The following ITGAL variants were observed in gnomAD, a reference collection of about 807,000 sequenced individuals.
ITGAL encodes the protein integrin subunit alpha L.
In ITGAL, 68 loss-of-function variants were observed where a neutral mutation model predicts 138.4. That is an observed-to-expected ratio of 0.49 (90% CI 0.40 to 0.60). The LOEUF (loss-of-function observed/expected upper bound fraction) is 0.60. Ranked by LOEUF, ITGAL falls within the 20% of genes least tolerant of loss-of-function variation. The pLI, the probability that ITGAL is intolerant of heterozygous loss-of-function variation, is 0.00. For synonymous variants in ITGAL, 561 were observed against 584.3 expected (o/e 0.96, Z 0.57); for missense variants, 1,256 against 1,478.6 (o/e 0.85, Z 2.47).
chr16:30,515,364 G>C (rs113780160), intron 25 of ITGAL, among the ~76,000 whole-genome samples: 1 of 152,112 alleles, frequency 6.6e-6, no homozygotes, highest in East Asian at 1.9e-4. Flanking sequence ...TATTGAGAGA[G>C]GCTCCCAACA....
In ITGAL at chr16:30,475,368, G is replaced by A. The variant is rs890179425; in HGVS notation, c.227G>A (p.Gly76Asp). Residue 76 changes from glycine (G) to aspartate (D), a missense_variant, in exon 3 of 31, where the codon GGC becomes GAC. By Grantham distance (94) the Gly-to-Asp change is moderately conservative (BLOSUM62 -1). This residue lies in a region of ITGAL where 212 missense variants were observed against 217.4 expected (regional missense o/e 0.98). Transcript: ENST00000356798. ...GGAAGCCTCTATCAGTGCCAGTCGG[G>A]CACAGGACACTGCCTGCCAGTCACC... ...STGSLYQCQS[G>D]TGHCLPVTLR... The A allele has an allele frequency of 6.2e-7, 1 of 1,613,834 alleles. No homozygotes were observed. Among genetic ancestry groups the A allele is most frequent in the South Asian group, 1.1e-5 (1 of 91,078 alleles).
intron 9 of ITGAL, among the ~76,000 whole-genome samples, chr16:30,488,679 G>T (rs36005832): frequency 7.0e-6 from 1 of 143,034 alleles, no homozygotes; most frequent in Non-Finnish European, 1.5e-5. Context: ...CTCCAGCCTC[G>T]GTGACAGAGA....
chr16:30,517,977 A>G (rs1597110371), intron 28 of ITGAL, 82 bp downstream of exon 28: 1 of 1,051,056 alleles, frequency 9.5e-7, no homozygotes, highest in Non-Finnish European at 1.5e-6. Flanking sequence ...CCCACCAGAT[A>G]GTCTGCCTCC....
chr16:30,494,218 C>T lies in ITGAL; in HGVS notation c.1220C>T (p.Thr407Ile). The change falls in exon 12 of 31, where the codon ACC (threonine) becomes ATC (isoleucine). Residue 407 changes from threonine to isoleucine, a missense_variant. This residue lies in a region of ITGAL where 867 missense variants were observed against 972.5 expected (regional missense o/e 0.89). Coordinates refer to ENST00000356798, the MANE Select transcript of ITGAL (RefSeq NM_002209.3). The surrounding 1 kb of genome is among the most constrained non-coding windows in gnomAD (Gnocchi z 4.2). ...CCCCACACACTTTCCTCAGGTTACA[C>T]CGTGACCTGGCTGCCCTCCCGGCAA... ...PEVRAGYLGYTVTWLPSRQKT... is the reference protein window; with the variant it reads ...PEVRAGYLGYIVTWLPSRQKT... The T allele has an allele frequency of 1.2e-6, 2 of 1,606,602 alleles. No homozygotes were observed. Among genetic ancestry groups the T allele is most frequent in the Non-Finnish European group, 1.7e-6 (2 of 1,174,890 alleles).
intron 11 of ITGAL, among the ~76,000 whole-genome samples, chr16:30,489,731 T>C (rs948698474): frequency 1.3e-5 from 2 of 150,902 alleles, no homozygotes; most frequent in African/African-American, 4.9e-5. Flanking sequence ...AAGTCAAGAG[T>C]TCAAGACCAG....
At chr16:30,497,668 G>A (rs184175760) in intron 15 of ITGAL, among the ~76,000 whole-genome samples, 4 of 151,868 alleles carry the variant, frequency 2.6e-5, no homozygotes, top group Admixed American at 6.6e-5. Context: ...TAGTAGAGAC[G>A]GGGTTTCGCC....
chr16:30,518,865 TTCTCCCCTTGGTGGGCACACAAC>T, intron 29 of ITGAL, 146 bp downstream of exon 29: 4 of 658,842 alleles, frequency 6.1e-6, no homozygotes, highest in Non-Finnish European at 1.1e-5. Flanking sequence ...GAGAAGCTTC[TTCTCCCCTTGGTGGGCACACAAC>T]CCCAGAGTTG....
At chr16:30,488,241 A>G (rs2050675427) in intron 9 of ITGAL, among the ~76,000 whole-genome samples, 1 of 151,768 alleles carries the variant, frequency 6.6e-6, no homozygotes, top group Non-Finnish European at 1.5e-5. Context: ...CAGGAGTATC[A>G]TGATTTGGTG....
At chr16:30,503,684 T>C (rs774388642) in intron 17 of ITGAL, among the ~76,000 whole-genome samples, 18 of 152,144 alleles carry the variant, frequency 1.2e-4, no homozygotes, top group Non-Finnish European at 2.1e-4. Context: ...ATTTTAAATG[T>C]TGGGGTAATA....
intron 9 of ITGAL, among the ~76,000 whole-genome samples, chr16:30,487,341 C>T (rs1236672221): frequency 6.6e-6 from 1 of 152,158 alleles, no homozygotes; most frequent in African/African-American, 2.4e-5. Context: ...AAGTCTTCTG[C>T]CTCAGCCTCA....
intron 25 of ITGAL, among the ~76,000 whole-genome samples, chr16:30,514,543 C>T (rs182708030): frequency 1.6e-4 from 25 of 152,158 alleles, no homozygotes; most frequent in African/African-American, 5.8e-4. Context: ...TCTCAAAGTG[C>T]TGGGATTACA....
In ITGAL at chr16:30,510,861, G is replaced by A. The variant is rs1451923170; in HGVS notation, c.2620-20G>A. ...TCCTCATGACCCTTCCATTTCCATT[G>A]CCCTCTCCTTTCCTGCCAGGTTGCT... On this transcript the variant is annotated intron_variant, in intron 22 of 30. Coordinates refer to ENST00000356798, the MANE Select transcript of ITGAL (RefSeq NM_002209.3). The A allele has an allele frequency of 1.9e-5, 30 of 1,604,124 alleles. No homozygotes were observed. The highest frequency in any genetic ancestry group is 2.6e-5 in the Non-Finnish European group (30 of 1,171,106).
rs199745524 is a variant in ITGAL at position 30,505,415 on chromosome 16, G to T, written c.2319G>T (p.Glu773Asp). 2 of 1,614,068 alleles carry T rather than the reference G, an allele frequency of 1.2e-6. No individual in the cohort carries two copies. The highest frequency in any genetic ancestry group is 1.7e-6 in the Non-Finnish European group (2 of 1,180,012). ...TCCCTTTTGAGAAGAACTGTGGGGA[G>T]GACAAGAAGTGTGAGGCAAACTTGA... The part of the protein sequence containing the change: ...WEIPFEKNCG[E>D]DKKCEANLRV... The change falls in exon 20 of 31, where the codon GAG (glutamate) becomes GAT (aspartate). Residue 773 changes from glutamate (E) to aspartate (D), a missense_variant. This residue lies in a region of ITGAL where 867 missense variants were observed against 972.5 expected (regional missense o/e 0.89). Coordinates refer to ENST00000356798, the MANE Select transcript of ITGAL (RefSeq NM_002209.3).
intron 17 of ITGAL, among the ~76,000 whole-genome samples, chr16:30,499,727 A>ATATATATGTGTGTATATATATATC (rs2050861939): frequency 1.3e-5 from 1 of 78,514 alleles, no homozygotes; most frequent in Non-Finnish European, 2.1e-5. Context: ...ATATATATAT[A>ATATATATGTGTGTATATATATATC]TATATATTTT....
intron 15 of ITGAL, among the ~76,000 whole-genome samples, chr16:30,497,584 C>T (rs1381226786): frequency 6.6e-6 from 1 of 151,490 alleles, no homozygotes. Flanking sequence ...TCAAGCGATT[C>T]TCCTGCATCA....
intron 11 of ITGAL, among the ~76,000 whole-genome samples, chr16:30,490,813 C>A (rs1017165715): frequency 4.6e-5 from 7 of 151,500 alleles, no homozygotes; most frequent in Non-Finnish European, 7.4e-5. Context: ...ACTAAAAACA[C>A]AAAAAAATTA....
chr16:30,520,518 G>C (rs1405865004), intron 30 of ITGAL, among the ~76,000 whole-genome samples: 1 of 152,226 alleles, frequency 6.6e-6, no homozygotes, highest in East Asian at 1.9e-4. Context: ...TCCTGGGAGA[G>C]GAAAAGGAAG....
Position 30,502,698 on chromosome 16 carries a change from A to T in ITGAL, c.2146-1477A>T, listed in dbSNP as rs559241001. Reference sequence around the variant, plus strand: ...AGGAGGCGGAGGTTGCAGTGAGCTGAGATTGTGCCATTGCATTCCAGCCTG... The same window carrying T: ...AGGAGGCGGAGGTTGCAGTGAGCTGTGATTGTGCCATTGCATTCCAGCCTG... On this transcript the variant is annotated intron_variant, in intron 17 of 30. Transcript: ENST00000356798. Among the ~76,000 whole-genome samples the T allele has an allele frequency of 4.6e-5, 7 of 151,296 alleles. No homozygotes were observed. The South Asian group carries it at 6.3e-4, about 14-fold the overall frequency.
chr16:30,484,287 G>T, intron 9 of ITGAL, 24 bp downstream of exon 9: 1 of 1,600,742 alleles, frequency 6.2e-7, no homozygotes. Flanking sequence ...CCTGGGAGAG[G>T]GCTCGGGAGT....
Sources: gnomAD v4.1 joint callset for allele counts (sites outside exome capture counted in the v4.1 genomes callset) on GRCh38, gnomAD v4.1.1 for gene constraint, gnomAD v4.1.1 regional missense constraint, Gnocchi (gnomAD v3.1) non-coding constraint, MANE v1.5 for transcripts, NCBI Gene and HGNC (gene_info 2026-07-23, HGNC 2026-07-21) for gene names.